The following PDE10A variants were observed in gnomAD, a reference collection of about 807,000 sequenced individuals.
PDE10A encodes the protein cAMP and cAMP-inhibited cGMP 3',5'-cyclic phosphodiesterase 10A.
A neutral mutation model predicts 97.7 loss-of-function variants in PDE10A; 39 were observed. The observed-to-expected ratio is 0.40, with a 90% CI of 0.31 to 0.52. PDE10A has a LOEUF of 0.52. PDE10A is among the 20% of genes least tolerant of loss of function. The pLI, the probability that PDE10A is intolerant of heterozygous loss-of-function variation, is 0.56. For synonymous variants in PDE10A, 371 were observed against 376.8 expected (o/e 0.98, Z 0.18); for missense variants, 731 against 1,047.8 (o/e 0.70, Z 4.17).
At chr6:165,814,853 G>A (rs917304531) in intron 1 of PDE10A, among the ~76,000 whole-genome samples, 10 of 152,052 alleles carry the variant, frequency 6.6e-5, no homozygotes, top group Admixed American at 1.3e-4. Context: ...CGAGCTGTGC[G>A]TCAGTTCCGT....
At chr6:165,563,046 T>C (rs997920663) in intron 1 of PDE10A, among the ~76,000 whole-genome samples, 1 of 152,018 alleles carries the variant, frequency 6.6e-6, no homozygotes, top group South Asian at 2.1e-4. Context: ...GCTCAAATAA[T>C]GTGGACTTTA....
intron 1 of PDE10A, among the ~76,000 whole-genome samples, chr6:165,734,532 G>A (rs1028836790): frequency 6.6e-6 from 1 of 152,048 alleles, no homozygotes; most frequent in Admixed American, 6.5e-5. Context: ...AAAAGAACAG[G>A]CAGATGTGAA....
chr6:165,433,094 T>C lies in PDE10A; in HGVS notation c.1371A>G (p.Ser457=), dbSNP rs1173003721. 33 of 1,612,766 alleles carry C rather than the reference T, an allele frequency of 2.0e-5. No individual in the cohort carries two copies. Among genetic ancestry groups the C allele is most frequent in the Non-Finnish European group, 2.5e-5 (29 of 1,178,946 alleles). ...ERFPRGTGLE[S]GTRIQSVLCL... ...AAAGAACAGACTGGATACGAGTCCC[T>C]GATTCCAGTCCAGTACCTCTTGGAA... The change falls in exon 7 of 22, where the codon TCA becomes TCG. Residue 457 remains serine, a synonymous_variant. Transcript: ENST00000539869.
At chr6:165,414,678 T>C (rs1022299404) in intron 12 of PDE10A, among the ~76,000 whole-genome samples, 1 of 152,234 alleles carries the variant, frequency 6.6e-6, no homozygotes, top group Admixed American at 6.5e-5. Flanking sequence ...ATTTTGCTTG[T>C]AGTACTATCT....
chr6:165,840,009 T>G (rs1468953046), intron 1 of PDE10A, among the ~76,000 whole-genome samples: 5 of 2,040 alleles, frequency 2.5e-3, no homozygotes, highest in Admixed American at 5.7e-3. Context: ...CCCATCTCCA[T>G]CCTCATCTGC....
At chr6:165,577,836 G>C (rs1166740876) in intron 1 of PDE10A, among the ~76,000 whole-genome samples, 1 of 152,164 alleles carries the variant, frequency 6.6e-6, no homozygotes, top group Non-Finnish European at 1.5e-5. Context: ...TTCCTAGGAC[G>C]GACGGGAAAC....
intron 1 of PDE10A, chr6:165,986,023 C>T (rs1487103704): frequency 6.5e-6 from 1 of 152,734 alleles, no homozygotes; most frequent in African/African-American, 2.4e-5. Flanking sequence ...GTGGCGAGGG[C>T]ATTCCTGCGG....
At chr6:165,927,330 C>T (rs1328951583) in intron 1 of PDE10A, among the ~76,000 whole-genome samples, 1 of 152,108 alleles carries the variant, frequency 6.6e-6, no homozygotes, top group African/African-American at 2.4e-5. Flanking sequence ...CTGTTAGAAA[C>T]AGCCTAAAAG....
At chr6:165,406,865 T>A (rs928704827) in intron 13 of PDE10A, among the ~76,000 whole-genome samples, 1 of 152,144 alleles carries the variant, frequency 6.6e-6, no homozygotes, top group African/African-American at 2.4e-5. Flanking sequence ...ACCCTGTCCT[T>A]GAACATCAGA....
At chr6:165,980,703 G>A (rs1454103253) in intron 1 of PDE10A, among the ~76,000 whole-genome samples, 1 of 152,140 alleles carries the variant, frequency 6.6e-6, no homozygotes, top group African/African-American at 2.4e-5. Context: ...GTTGGAGGAG[G>A]ACTTACTGTA....
intron 1 of PDE10A, among the ~76,000 whole-genome samples, chr6:165,575,705 C>T (rs1785268093): frequency 6.6e-6 from 1 of 152,184 alleles, no homozygotes; most frequent in Non-Finnish European, 1.5e-5. Context: ...AAGAGTAGTC[C>T]AGTGCTTATT....
At chr6:165,943,361 A>AAAGAAAGAAAGAAAGAATGAAAGAAAGG (rs1167502272) in intron 1 of PDE10A, among the ~76,000 whole-genome samples, 1 of 89,860 alleles carries the variant, frequency 1.1e-5, no homozygotes, top group African/African-American at 4.1e-5. Context: ...AGAAAGAAAG[A>AAAGAAAGAAAGAAAGAATGAAAGAAAGG]GAAAGAAAGA....
chr6:165,586,503 G>A (rs1785921102), intron 1 of PDE10A, among the ~76,000 whole-genome samples: 2 of 152,092 alleles, frequency 1.3e-5, no homozygotes, highest in African/African-American at 4.8e-5. Flanking sequence ...GGGGCAAATA[G>A]TCATGTCCCA....
chr6:165,692,360 A>T (rs183985792), intron 1 of PDE10A, among the ~76,000 whole-genome samples: 1 of 152,324 alleles, frequency 6.6e-6, no homozygotes, highest in East Asian at 1.9e-4. Flanking sequence ...AAGCAGGAGG[A>T]GCTGCAGGGT....
At chr6:165,736,559 A>G (rs1364624134) in intron 1 of PDE10A, among the ~76,000 whole-genome samples, 2 of 152,178 alleles carry the variant, frequency 1.3e-5, no homozygotes, top group African/African-American at 4.8e-5. Flanking sequence ...AGGCTCTTTG[A>G]CCAATGGATC....
At chr6:165,835,081 G>A (rs1780031613) in intron 1 of PDE10A, among the ~76,000 whole-genome samples, 1 of 152,188 alleles carries the variant, frequency 6.6e-6, no homozygotes, top group African/African-American at 2.4e-5. Flanking sequence ...AGTGCACAGA[G>A]GGCAGTTGGC....
chr6:165,788,309 G>A (rs1432325714), intron 1 of PDE10A, among the ~76,000 whole-genome samples: 1 of 151,840 alleles, frequency 6.6e-6, no homozygotes, highest in Non-Finnish European at 1.5e-5. Flanking sequence ...CCTGAGGTCG[G>A]GAGTTGGAGG....
chr6:165,521,251 C>T (rs1782113086), intron 2 of PDE10A, among the ~76,000 whole-genome samples: 1 of 152,050 alleles, frequency 6.6e-6, no homozygotes, highest in African/African-American at 2.4e-5. Context: ...TGGCTGTTCC[C>T]CGATCTCTCT....
At chr6:165,402,164 C>G (rs1183486774) in intron 13 of PDE10A, among the ~76,000 whole-genome samples, 1 of 151,940 alleles carries the variant, frequency 6.6e-6, no homozygotes, top group East Asian at 1.9e-4. Flanking sequence ...ATAGTTATTC[C>G]TTTTATTGTC....
Sources: gnomAD v4.1 joint callset for allele counts (sites outside exome capture counted in the v4.1 genomes callset) on GRCh38, gnomAD v4.1.1 for gene constraint, MANE v1.5 for transcripts, NCBI Gene and HGNC (gene_info 2026-07-23, HGNC 2026-07-21) for gene names.